Variants in CPNE4 observed in about 807,000 individuals in gnomAD.
CPNE4 encodes copine 4.
CPNE4 carries 25 observed loss-of-function variants against 67.9 expected under a neutral mutation model. The observed-to-expected ratio is 0.37, with a 90% CI of 0.27 to 0.51. The LOEUF (loss-of-function observed/expected upper bound fraction) is 0.51. Ranked by LOEUF, CPNE4 falls within the 20% of genes least tolerant of loss-of-function variation. CPNE4 has a pLI of 0.93. For synonymous variants in CPNE4, 242 were observed against 244.9 expected (o/e 0.99, Z 0.11); for missense variants, 464 against 690.8 (o/e 0.67, Z 3.68).
At chr3:131,652,708 C>A (rs755641195) in intron 7 of CPNE4, among the ~76,000 whole-genome samples, 2 of 152,164 alleles carry the variant, frequency 1.3e-5, no homozygotes, top group Non-Finnish European at 2.9e-5. Context: ...TGCATGTACA[C>A]ACGCACACTT....
At position 131,945,838 on chromosome 3, in the gene CPNE4, G is replaced by T. The variant is rs546618974; in HGVS notation, c.-1-40394C>A. ...AAGGGTAAAATGAAGATAGGAATAG[G>T]ATAATGAGAAAATGCTTTTGAAAGA... On this transcript the variant is annotated intron_variant, in intron 1 of 15. Coordinates refer to ENST00000429747, the MANE Select transcript of CPNE4 (RefSeq NM_130808.3). Among the ~76,000 whole-genome samples the T allele has an allele frequency of 2.0e-3, 311 of 152,238 alleles. 3 individuals carry two copies. Among genetic ancestry groups the T allele is most frequent in the South Asian group, 0.017 (83 of 4,820 alleles).
Position 131,774,799 on chromosome 3 carries a change from G to T in CPNE4, c.181-51174C>A, listed in dbSNP as rs146388805. Among the ~76,000 whole-genome samples the T allele has an allele frequency of 1.3e-3, 194 of 152,234 alleles. 2 individuals are homozygous for T. Among genetic ancestry groups the T allele is most frequent in the African/African-American group, 4.6e-3 (190 of 41,558 alleles). On this transcript the variant is annotated intron_variant, in intron 2 of 15. Transcript: ENST00000429747. ...ACACAGAAGTTCTAAACTAGATATT[G>T]TTCTTAAAATGCTTCTCCTGATTAC...
At chr3:131,783,967 G>T (rs1205770528) in intron 2 of CPNE4, among the ~76,000 whole-genome samples, 2 of 152,096 alleles carry the variant, frequency 1.3e-5, no homozygotes, top group Non-Finnish European at 2.9e-5. Context: ...ACGGTGAGAA[G>T]TCCCAAAGTT....
chr3:131,561,547 A>T (rs1025094932), intron 11 of CPNE4, among the ~76,000 whole-genome samples: 7 of 152,018 alleles, frequency 4.6e-5, no homozygotes, highest in Non-Finnish European at 1.0e-4. Context: ...AGTTTTATGC[A>T]TCTCTCAAGC....
chr3:131,922,015 A>G (rs536211839), intron 1 of CPNE4, among the ~76,000 whole-genome samples: 7 of 152,240 alleles, frequency 4.6e-5, no homozygotes, highest in Admixed American at 1.3e-4. Flanking sequence ...TCGGAGTGTG[A>G]TGGATCTCAT....
At chr3:131,865,402 C>G (rs973917395) in intron 2 of CPNE4, among the ~76,000 whole-genome samples, 3 of 136,592 alleles carry the variant, frequency 2.2e-5, no homozygotes, top group African/African-American at 8.7e-5. Flanking sequence ...TAAAAATGCC[C>G]TTCACCTCCT....
chr3:131,857,106 T>A (rs917895142), intron 2 of CPNE4, among the ~76,000 whole-genome samples: 2 of 152,070 alleles, frequency 1.3e-5, no homozygotes, highest in African/African-American at 4.8e-5. Context: ...GATTGTGCAA[T>A]GAGAGAAAGA....
chr3:131,723,252 G>A (rs370491311), intron 3 of CPNE4, among the ~76,000 whole-genome samples, 194 bp downstream of exon 3: 2 of 152,126 alleles, frequency 1.3e-5, no homozygotes, highest in Admixed American at 6.5e-5. Context: ...ATAAGAAATC[G>A]TACAGACTTG....
chr3:131,712,551 A>C (rs2081585645), intron 3 of CPNE4, among the ~76,000 whole-genome samples: 1 of 152,270 alleles, frequency 6.6e-6, no homozygotes, highest in African/African-American at 2.4e-5. Context: ...AATTGTAGTA[A>C]ACTTTATCAA....
At chr3:131,891,521 A>G (rs1402707502) in intron 2 of CPNE4, among the ~76,000 whole-genome samples, 1 of 151,944 alleles carries the variant, frequency 6.6e-6, no homozygotes, top group African/African-American at 2.4e-5. Flanking sequence ...TTCATCACCC[A>G]GGTATTAAGC....
Position 131,985,109 on chromosome 3 carries a change from G to A in CPNE4, c.-2+49458C>T, listed in dbSNP as rs369649422. Among the ~76,000 whole-genome samples the A allele has an allele frequency of 8.5e-5, 13 of 152,324 alleles. 1 individual carries two copies. Among genetic ancestry groups the A allele is most frequent in the African/African-American group, 3.1e-4 (13 of 41,570 alleles). On this transcript the variant is annotated intron_variant, in intron 1 of 15. Transcript: ENST00000429747. ...TGTGAGGGCTCCCTTCCAAGTTGCA[G>A]AGTGTCAACTTCTCATTGTGTCCTC...
rs1255190752 is a variant in CPNE4, at chr3:131,688,899, A to C, written c.508-2941T>G. On this transcript the variant is annotated intron_variant, in intron 5 of 15. Coordinates refer to ENST00000429747, the MANE Select transcript of CPNE4 (RefSeq NM_130808.3). Reference sequence around the variant, plus strand: ...AATTTTGTAATCATGATCTATGTACAATTTAGTACCCTATTTCTTTTGCTT... The same window carrying C: ...AATTTTGTAATCATGATCTATGTACCATTTAGTACCCTATTTCTTTTGCTT... Among the ~76,000 whole-genome samples, 4 of 152,138 alleles carry C rather than the reference A, an allele frequency of 2.6e-5. No homozygotes were observed. In the East Asian group the frequency reaches 7.7e-4, roughly 29 times the overall value.
intron 13 of CPNE4, among the ~76,000 whole-genome samples, chr3:131,550,581 G>A (rs1012739711): frequency 1.3e-5 from 2 of 152,048 alleles, no homozygotes; most frequent in African/African-American, 4.8e-5. Flanking sequence ...TACTACCCGT[G>A]CCCTCTATAA....
intron 1 of CPNE4, among the ~76,000 whole-genome samples, chr3:131,933,563 A>T (rs1032326003): frequency 2.0e-4 from 31 of 152,192 alleles, no homozygotes; most frequent in African/African-American, 7.5e-4. Context: ...TGTGTCTAAG[A>T]GATGTCTACA....
At chr3:131,724,062 C>T (rs1467200459) in intron 2 of CPNE4, among the ~76,000 whole-genome samples, 1 of 151,996 alleles carries the variant, frequency 6.6e-6, no homozygotes, top group Non-Finnish European at 1.5e-5. Context: ...CCTAATGTGC[C>T]TGAGGTCACA....
intron 7 of CPNE4, among the ~76,000 whole-genome samples, chr3:131,644,549 T>G (rs534697085): frequency 7.2e-5 from 11 of 152,332 alleles, no homozygotes; most frequent in Non-Finnish European, 1.5e-4. Context: ...AACAGTTATT[T>G]TCAGCTTAGT....
intron 1 of CPNE4, among the ~76,000 whole-genome samples, chr3:132,001,611 G>GAAAGAAAGAAAGAAAGAAAGAA (rs1560766090): frequency 2.7e-5 from 4 of 146,142 alleles, no homozygotes; most frequent in South Asian, 4.4e-4. Flanking sequence ...AAGAAAGAAA[G>GAAAGAAAGAAAGAAAGAAAGAA]AAAGAAAATG....
At chr3:131,661,164 G>C (rs891343387) in intron 7 of CPNE4, among the ~76,000 whole-genome samples, 1 of 152,182 alleles carries the variant, frequency 6.6e-6, no homozygotes, top group Non-Finnish European at 1.5e-5. Flanking sequence ...AGAGTTCAAT[G>C]AGAAAATTTA....
chr3:131,756,602 C>T (rs112668872), intron 2 of CPNE4, among the ~76,000 whole-genome samples: 4 of 152,198 alleles, frequency 2.6e-5, no homozygotes, highest in African/African-American at 9.7e-5. Flanking sequence ...CAGGAGATGG[C>T]AAGAGAGGAT....
Sources: allele counts gnomAD v4.1 joint callset (sites outside exome capture counted in the v4.1 genomes callset), GRCh38; gene constraint gnomAD v4.1.1; transcripts MANE v1.5; gene names NCBI Gene and HGNC (gene_info 2026-07-23, HGNC 2026-07-21).